The following ROBO2 variants were observed in gnomAD, a reference collection of about 807,000 sequenced individuals.
ROBO2 encodes the protein roundabout guidance receptor 2, also known as roundabout homolog 2.
A neutral mutation model predicts 160.8 loss-of-function variants in ROBO2; 53 were observed. The ratio of observed to expected loss-of-function variants is 0.33; its 90% CI spans 0.26 to 0.41. ROBO2 has a LOEUF of 0.41. Ranked by LOEUF, ROBO2 falls within the 10% of genes least tolerant of loss-of-function variation. The probability of loss-of-function intolerance (pLI) is 1.00; values close to 1 mark genes in which losing one functional copy is unlikely to be tolerated. For missense variants in ROBO2, 1,577 were observed against 1,722.4 expected, an observed-to-expected ratio of 0.92 and a Z score of 1.49; for synonymous variants, 664 against 611.7, an observed-to-expected ratio of 1.09 and a Z score of -1.26.
Position 77,580,125 on chromosome 3 carries a change from A to G in ROBO2, c.2500+7A>G, listed in dbSNP as rs2093876000. ...CCACAGCCAATAATAATCGGTGAGT[A>G]TCAAACTATGTGGTCTGTGCTTTAG... is the stretch of plus-strand genomic sequence containing the variant. On this transcript the variant is annotated splice_region_variant and intron_variant, in intron 16 of 25. Transcript: ENST00000461745. 1 of 1,613,520 alleles carries G rather than the reference A, an allele frequency of 6.2e-7. No homozygotes were observed. The highest frequency in any genetic ancestry group is 8.5e-7 in the Non-Finnish European group (1 of 1,179,538).
At chr3:77,479,564 T>C (rs1272054876) in intron 3 of ROBO2, among the ~76,000 whole-genome samples, 1 of 152,042 alleles carries the variant, frequency 6.6e-6, no homozygotes, top group African/African-American at 2.4e-5. Flanking sequence ...TGGGATATCG[T>C]TTTCTGAGCC....
chr3:76,054,905 G>C (rs1478542918), intron 2 of ROBO2, among the ~76,000 whole-genome samples: 1 of 152,088 alleles, frequency 6.6e-6, no homozygotes, highest in African/African-American at 2.4e-5. Context: ...GGGAGGTGAG[G>C]AATCTCTGGA....
At chr3:77,367,517 G>A (rs535484429) in intron 2 of ROBO2, among the ~76,000 whole-genome samples, 2 of 152,022 alleles carry the variant, frequency 1.3e-5, no homozygotes, top group South Asian at 2.1e-4. Context: ...TTCATAGACA[G>A]GTAATAAAAA....
chr3:75,967,349 A>T (rs1195521579), intron 2 of ROBO2, among the ~76,000 whole-genome samples: 3 of 151,588 alleles, frequency 2.0e-5, no homozygotes, highest in Non-Finnish European at 4.4e-5. Context: ...TTCAGAAGTG[A>T]ACTCAGTTCA....
At chr3:76,233,942 TA>T (rs1271156224) in intron 2 of ROBO2, among the ~76,000 whole-genome samples, 2 of 152,158 alleles carry the variant, frequency 1.3e-5, no homozygotes, top group Non-Finnish European at 2.9e-5. Context: ...TAGTGCCCAA[TA>T]AGTAGGTTTT....
At chr3:76,630,433 T>G (rs2089961117) in intron 2 of ROBO2, among the ~76,000 whole-genome samples, 1 of 145,106 alleles carries the variant, frequency 6.9e-6, no homozygotes, top group Admixed American at 6.6e-5. Flanking sequence ...AGCTCACATT[T>G]ATTTCAATGT....
chr3:77,073,531 AG>A (rs2067628820), intron 1 of ROBO2, among the ~76,000 whole-genome samples: 1 of 152,206 alleles, frequency 6.6e-6, no homozygotes, highest in Admixed American at 6.6e-5. Context: ...AAAGTAAGGA[AG>A]GGCTCTCATT....
chr3:75,926,116 A>G (rs1199464556), intron 1 of ROBO2, among the ~76,000 whole-genome samples: 1 of 152,202 alleles, frequency 6.6e-6, no homozygotes, highest in East Asian at 1.9e-4. Flanking sequence ...ATATTCCTCC[A>G]AAGAATAGAG....
chr3:77,031,936 T>C (rs560902266), intron 2 of ROBO2, among the ~76,000 whole-genome samples: 2 of 152,218 alleles, frequency 1.3e-5, no homozygotes, highest in East Asian at 3.9e-4. Context: ...TAGCAGATTC[T>C]GTGTCTGGTG....
At position 76,707,743 on chromosome 3, in the gene ROBO2, A is replaced by G. The variant is rs867946697; in HGVS notation, c.110-390271A>G. On this transcript the variant is annotated intron_variant, in intron 2 of 26. Coordinates refer to the ROBO2 transcript ENST00000487694. ...AATACATGTGTGTGTATATATATAT[A>G]TATATATATATATATATAAATCTTA... 9.1e-3 allele frequency among the ~76,000 whole-genome samples: 1,342 copies of G among 147,480 alleles called. 23 individuals carry two copies. The highest frequency in any genetic ancestry group is 0.031 in the African/African-American group (1,252 of 40,484).
chr3:76,440,975 A>G (rs946301350), intron 2 of ROBO2, among the ~76,000 whole-genome samples: 2 of 152,284 alleles, frequency 1.3e-5, no homozygotes, highest in Admixed American at 1.3e-4. Context: ...AGCTGAAAAC[A>G]TGCTGAAAAT....
intron 1 of ROBO2, among the ~76,000 whole-genome samples, chr3:77,053,098 G>A (rs752670948): frequency 1.3e-4 from 20 of 152,244 alleles, no homozygotes; most frequent in Middle Eastern, 3.4e-3. Flanking sequence ...ACATGGCACT[G>A]TTCAAATAAA....
chr3:76,634,483 G>A lies in ROBO2; in HGVS notation c.110-463531G>A, dbSNP rs13098193. ...CTCAGGAGGCTGAGGCAGGAGAATCGCTTGAACCTGGGAGGCAGGGGTTGC... is the reference window on the plus strand; with the variant it reads ...CTCAGGAGGCTGAGGCAGGAGAATCACTTGAACCTGGGAGGCAGGGGTTGC... On this transcript the variant is annotated intron_variant, in intron 2 of 26. Coordinates refer to the ROBO2 transcript ENST00000487694. 2.7e-4 allele frequency among the ~76,000 whole-genome samples: 41 copies of A among 151,848 alleles called. No homozygotes were observed. In the East Asian group the frequency reaches 6.6e-3, roughly 24 times the overall value.
chr3:76,004,057 C>T (rs971580534), intron 2 of ROBO2, among the ~76,000 whole-genome samples: 30 of 152,056 alleles, frequency 2.0e-4, no homozygotes, highest in African/African-American at 7.2e-4. Flanking sequence ...TGGATGTTTA[C>T]CCAAGAGAAA....
At chr3:76,599,331 T>G (rs904140639) in intron 2 of ROBO2, among the ~76,000 whole-genome samples, 11 of 152,204 alleles carry the variant, frequency 7.2e-5, no homozygotes, top group Admixed American at 2.0e-4. Context: ...AGTATTTGGT[T>G]TTCTGTTTCT....
At chr3:76,852,986 T>C (rs757478328) in intron 2 of ROBO2, among the ~76,000 whole-genome samples, 71 of 152,128 alleles carry the variant, frequency 4.7e-4, no homozygotes, top group Admixed American at 8.5e-4. Flanking sequence ...AAAGATGATA[T>C]CTTAGTGACT....
At chr3:76,164,696 A>G (rs2106944384) in intron 2 of ROBO2, among the ~76,000 whole-genome samples, 1 of 152,316 alleles carries the variant, frequency 6.6e-6, no homozygotes, top group Middle Eastern at 3.4e-3. Flanking sequence ...GTAAACAGAT[A>G]TACCATCATC....
chr3:75,923,766 C>G (rs1243284422), intron 1 of ROBO2, among the ~76,000 whole-genome samples: 1 of 152,162 alleles, frequency 6.6e-6, no homozygotes, highest in Non-Finnish European at 1.5e-5. Context: ...AAGACTATTG[C>G]TAAGCACATA....
chr3:76,753,177 A>C (rs1234730821), intron 2 of ROBO2, among the ~76,000 whole-genome samples: 1 of 151,942 alleles, frequency 6.6e-6, no homozygotes, highest in African/African-American at 2.4e-5. Context: ...AAGACATGTC[A>C]GAAAAGGAGA....
Sources: allele counts gnomAD v4.1 joint callset (sites outside exome capture counted in the v4.1 genomes callset), GRCh38; gene constraint gnomAD v4.1.1; transcripts MANE v1.5; gene names NCBI Gene and HGNC (gene_info 2026-07-23, HGNC 2026-07-21).